KCNAB2: variants seen among roughly 807,000 people sequenced by gnomAD.
KCNAB2 encodes potassium voltage-gated channel subfamily A regulatory beta subunit 2, also known as voltage-gated potassium channel subunit beta-2.
Under a neutral mutation model 63.6 loss-of-function variants are expected in KCNAB2, and 29 were observed. The observed-to-expected ratio is 0.46, with a 90% CI of 0.34 to 0.62. The LOEUF (loss-of-function observed/expected upper bound fraction) is 0.62, where lower values mean the gene tolerates loss of function less well. Among genes scored for constraint, KCNAB2 ranks in the 20% least tolerant of loss-of-function variants. The probability of loss-of-function intolerance (pLI) is 0.01; values close to 1 mark genes in which losing one functional copy is unlikely to be tolerated. For synonymous variants in KCNAB2, 222 were observed against 224.2 expected (o/e 0.99, Z 0.09); for missense variants, 359 against 563.9 (o/e 0.64, Z 3.68).
In KCNAB2 at chr1:6,100,197, GC is replaced by G; in HGVS notation, c.*1625del. On this transcript the variant is annotated 3_prime_UTR_variant, in exon 16 of 16. Transcript: ENST00000378083. Reference sequence around the variant, plus strand: ...CTGGGAAACTGTGAAAGTCAGAAAGGCCAGCGGGGAGAGGCTGGGGCGAGGG... The same window carrying G: ...CTGGGAAACTGTGAAAGTCAGAAAGGCAGCGGGGAGAGGCTGGGGCGAGGG... 2 of 1,111,766 alleles carry G rather than the reference GC, an allele frequency of 1.8e-6. No individual in the cohort carries two copies. Among genetic ancestry groups the G allele is most frequent in the Non-Finnish European group, 2.4e-6 (2 of 829,980 alleles). 68.9% of individuals were successfully genotyped at this position (1,111,766 alleles called of 1,614,324 possible).
chr1:6,070,184 T>C (rs1663080142), intron 2 of KCNAB2, among the ~76,000 whole-genome samples: 1 of 152,310 alleles, frequency 6.6e-6, no homozygotes, highest in East Asian at 1.9e-4. Flanking sequence ...CACCCAGACA[T>C]TGCAAGCAAG....
At chr1:6,014,631 C>T (rs545349713) in intron 1 of KCNAB2, among the ~76,000 whole-genome samples, 1 of 152,264 alleles carries the variant, frequency 6.6e-6, no homozygotes, top group African/African-American at 2.4e-5. Context: ...TGCGAGGATG[C>T]CTTGATGGTG....
intron 1 of KCNAB2, among the ~76,000 whole-genome samples, chr1:6,015,040 T>TG (rs1459854327): frequency 3.4e-5 from 5 of 144,940 alleles, no homozygotes; most frequent in South Asian, 2.3e-4. Flanking sequence ...TTTTTTTTTT[T>TG]TTGTTTTTTG....
intron 1 of KCNAB2, among the ~76,000 whole-genome samples, chr1:6,049,097 C>T (rs971417150): frequency 1.4e-4 from 21 of 152,218 alleles, no homozygotes; most frequent in African/African-American, 4.6e-4. Context: ...ATGGGAACCC[C>T]CCAGCAAGAG....
intron 9 of KCNAB2, 40 bp downstream of exon 9, chr1:6,090,515 G>A (rs764304884): frequency 1.3e-5 from 19 of 1,496,784 alleles, no homozygotes; most frequent in Middle Eastern, 2.0e-4. Flanking sequence ...AGGCCTGGGC[G>A]GGGTCTGAAG....
Position 6,096,481 on chromosome 1 carries a change from G to T in KCNAB2, c.949-155G>T. The T allele has an allele frequency of 2.9e-6, 3 of 1,031,182 alleles. No individual in the cohort carries two copies. The South Asian group carries it at 5.2e-5, about 18-fold the overall frequency. 63.9% of individuals were successfully genotyped at this position (1,031,182 alleles called of 1,614,324 possible). On this transcript the variant is annotated intron_variant, in intron 13 of 15. Coordinates refer to ENST00000378083, the MANE Select transcript of KCNAB2 (RefSeq NM_001199862.2). The surrounding 1 kb of genome is among the most constrained non-coding windows in gnomAD (Gnocchi z 5.9). ...CTGCCCACTCTCCCCTACTTGAGAGGCCTGGGGCAGGGGCACTGCCCTGGC... is the reference window on the plus strand; with the variant it reads ...CTGCCCACTCTCCCCTACTTGAGAGTCCTGGGGCAGGGGCACTGCCCTGGC...
intron 8 of KCNAB2, 102 bp downstream of exon 8, chr1:6,089,153 C>T (rs1461702883): frequency 1.5e-5 from 19 of 1,257,540 alleles, no homozygotes; most frequent in Non-Finnish European, 2.0e-5. Flanking sequence ...AGTTAACCCA[C>T]TGAGGGCCCA....
chr1:6,026,096 G>T (rs527980784), intron 1 of KCNAB2: 1 of 152,750 alleles, frequency 6.5e-6, no homozygotes, highest in Non-Finnish European at 1.5e-5. Context: ...GCCGCTTGGG[G>T]ACAGGCCCGG....
intron 1 of KCNAB2, among the ~76,000 whole-genome samples, chr1:6,019,392 CCT>C (rs1225900288): frequency 1.3e-5 from 2 of 152,332 alleles, no homozygotes; most frequent in African/African-American, 4.8e-5. Context: ...TTTTCCAACC[CCT>C]GTCCTACAGC....
intron 10 of KCNAB2, among the ~76,000 whole-genome samples, chr1:6,091,763 G>T (rs1273018177): frequency 1.3e-5 from 2 of 152,110 alleles, no homozygotes; most frequent in East Asian, 3.9e-4. Context: ...CTAAGCTCCT[G>T]TCTCTCCTGG....
intron 13 of KCNAB2, 44 bp downstream of exon 13, chr1:6,095,668 A>G (rs1665559142): frequency 6.3e-7 from 1 of 1,579,750 alleles, no homozygotes; most frequent in African/African-American, 1.3e-5. Flanking sequence ...GGGGATAGGC[A>G]TTTTGGACGG....
intron 4 of KCNAB2, among the ~76,000 whole-genome samples, chr1:6,081,136 G>A (rs757697973): frequency 3.3e-5 from 5 of 152,210 alleles, no homozygotes; most frequent in Admixed American, 6.5e-5. Context: ...GCACAATCGC[G>A]TCCTGACAGC....
intron 1 of KCNAB2, among the ~76,000 whole-genome samples, chr1:5,996,927 G>C (rs1656973199): frequency 6.6e-6 from 1 of 152,190 alleles, no homozygotes; most frequent in African/African-American, 2.4e-5. Context: ...AGACCCCTGA[G>C]GTCTGGTCCG....
At position 6,024,590 on chromosome 1, in the gene KCNAB2, G is replaced by A. The variant is rs544997231; in HGVS notation, c.-52-15927G>A. On this transcript the variant is annotated intron_variant, in intron 1 of 16. Coordinates refer to the KCNAB2 transcript ENST00000341524. This position sits in a 1 kb window ranked among gnomAD's most constrained non-coding sequence, Gnocchi z 5.4. ...CGAAGCAGCCAGTGAGGTTACTTTC[G>A]CATCCCCTAGCTTTTACCTCTGCTC... is the stretch of plus-strand genomic sequence containing the variant. Among the ~76,000 whole-genome samples the A allele has an allele frequency of 2.0e-5, 3 of 152,208 alleles. No individual in the cohort carries two copies. Among genetic ancestry groups the A allele is most frequent in the East Asian group, 1.9e-4 (1 of 5,198 alleles).
At chr1:6,042,442 A>G (rs1045143093), upstream of KCNAB2, among the ~76,000 whole-genome samples, 3 of 152,226 alleles carry the variant, frequency 2.0e-5, no homozygotes, top group African/African-American at 4.8e-5. Flanking sequence ...ACTGTGCCCC[A>G]GCAGGATGTG....
At chr1:6,048,473 G>A (rs1331152181) in intron 1 of KCNAB2, among the ~76,000 whole-genome samples, 2 of 152,190 alleles carry the variant, frequency 1.3e-5, no homozygotes, top group Non-Finnish European at 2.9e-5. Flanking sequence ...GCCTGCCTGG[G>A]CCACACCATG....
In KCNAB2 at chr1:6,100,686, G is replaced by A. The variant is rs1665972781; in HGVS notation, c.*2112G>A. 6.6e-6 allele frequency: 1 copy of A among 152,330 alleles called. No individual in the cohort carries two copies. The highest frequency in any genetic ancestry group is 2.4e-5 in the African/African-American group (1 of 41,472). The allele number at this position is 152,330 out of a possible 1,614,324, so 9.4% of individuals were successfully genotyped here. On this transcript the variant is annotated 3_prime_UTR_variant, in exon 16 of 16. Coordinates refer to ENST00000378083, the MANE Select transcript of KCNAB2 (RefSeq NM_001199862.2). The stretch of plus-strand genomic sequence containing the variant: ...CAGAGAGGCCAGGCCCCAGTGTCAG[G>A]ATGCAGTCAGCCTCTGGCGCAGCTC...
upstream of KCNAB2, among the ~76,000 whole-genome samples, chr1:6,042,719 C>G (rs1025305142): frequency 6.6e-6 from 1 of 152,144 alleles, no homozygotes; most frequent in Non-Finnish European, 1.5e-5. Context: ...CGGGAGGTCT[C>G]TCTATTCGGA....
intron 2 of KCNAB2, among the ~76,000 whole-genome samples, chr1:6,059,439 C>A (rs936338436): frequency 6.6e-6 from 1 of 152,174 alleles, no homozygotes; most frequent in Admixed American, 6.5e-5. Context: ...ATCCACCCAC[C>A]TTGGCCTCCC....
Sources: gnomAD v4.1 joint callset for allele counts (sites outside exome capture counted in the v4.1 genomes callset) on GRCh38, gnomAD v4.1.1 for gene constraint, Gnocchi (gnomAD v3.1) non-coding constraint, MANE v1.5 for transcripts, NCBI Gene and HGNC (gene_info 2026-07-23, HGNC 2026-07-21) for gene names.